The following MAP3K3 variants were observed in gnomAD, a reference collection of about 807,000 sequenced individuals.
MAP3K3 encodes mitogen-activated protein kinase kinase kinase 3.
A neutral mutation model predicts 80.9 loss-of-function variants in MAP3K3; 12 were observed. The ratio of observed to expected loss-of-function variants is 0.15; its 90% CI spans 0.10 to 0.24. The LOEUF (loss-of-function observed/expected upper bound fraction) is 0.24. Among genes scored for constraint, MAP3K3 ranks in the 10% least tolerant of loss-of-function variants. The pLI is 1.00. For synonymous variants in MAP3K3, 272 were observed against 307.1 expected (o/e 0.89, Z 1.19); for missense variants, 596 against 834.7 (o/e 0.71, Z 3.52).
In MAP3K3 at chr17:63,691,251, G is replaced by T. The variant is rs1373522493; in HGVS notation, c.1344+18G>T. The T allele has an allele frequency of 1.2e-6, 2 of 1,613,928 alleles. No homozygotes were observed. Among genetic ancestry groups the T allele is most frequent in the Non-Finnish European group, 1.7e-6 (2 of 1,179,996 alleles). On this transcript the variant is annotated intron_variant, in intron 13 of 15. Coordinates refer to ENST00000361733, the MANE Select transcript of MAP3K3 (RefSeq NM_002401.5). This position sits in a 1 kb window ranked among gnomAD's most constrained non-coding sequence, Gnocchi z 4.8. ...TGCCAGGGGTACGTGCCCCTTGAAT[G>T]CATGTGAGACACACACAAAAGAGGG...
intron 2 of MAP3K3, among the ~76,000 whole-genome samples, chr17:63,634,228 T>G (rs1158389648): frequency 6.6e-6 from 1 of 152,170 alleles, no homozygotes. Flanking sequence ...GTGAGTCCCC[T>G]CCCCCTTGCT....
chr17:63,653,784 T>A (rs997620835), intron 4 of MAP3K3, among the ~76,000 whole-genome samples: 1 of 152,256 alleles, frequency 6.6e-6, no homozygotes, highest in Non-Finnish European at 1.5e-5. Flanking sequence ...GATTAAAAAA[T>A]TTATCATCTA....
intron 2 of MAP3K3, among the ~76,000 whole-genome samples, chr17:63,642,139 A>C (rs745826263): frequency 2.6e-5 from 4 of 152,200 alleles, no homozygotes; most frequent in Non-Finnish European, 4.4e-5. Context: ...GAAGCTTGTA[A>C]GGCTGTCATG....
At chr17:63,680,225 A>G (rs1430791054) in intron 6 of MAP3K3, among the ~76,000 whole-genome samples, 2 of 152,166 alleles carry the variant, frequency 1.3e-5, no homozygotes, top group Non-Finnish European at 2.9e-5. Flanking sequence ...TTGTTGAGGG[A>G]TGGTACTACT....
In MAP3K3 at chr17:63,688,901, C is replaced by T; in HGVS notation, c.871+20C>T. ...GTGATGGTGAGTTCTTCTTCACCTG[C>T]TCCCTGCTGGCTGCCTCAAGAAAGG... is the stretch of plus-strand genomic sequence containing the variant. On this transcript the variant is annotated intron_variant, in intron 10 of 15. Transcript: ENST00000361733. 1 of 1,585,836 alleles carries T rather than the reference C, an allele frequency of 6.3e-7. No homozygotes were observed. Among genetic ancestry groups the T allele is most frequent in the Non-Finnish European group, 8.7e-7 (1 of 1,154,450 alleles).
At chr17:63,642,151 C>T (rs1169424873) in intron 2 of MAP3K3, among the ~76,000 whole-genome samples, 1 of 152,190 alleles carries the variant, frequency 6.6e-6, no homozygotes, top group South Asian at 2.1e-4. Context: ...GCTGTCATGG[C>T]ATCAAAGAAG....
At chr17:63,684,124 A>AT (rs143726940) in intron 7 of MAP3K3, among the ~76,000 whole-genome samples, 2,580 of 152,324 alleles carry the variant, frequency 0.017, 71 homozygotes, top group African/African-American at 0.058. Flanking sequence ...AGGTGACAGA[A>AT]TGAGACCCTG....
chr17:63,622,585 C>G lies in MAP3K3; in HGVS notation c.-175C>G, dbSNP rs1418969321. 1.9e-5 allele frequency: 3 copies of G among 155,600 alleles called. No homozygotes were observed. The highest frequency in any genetic ancestry group is 7.4e-5 in the African/African-American group (3 of 40,802). The allele number at this position is 155,600 out of a possible 1,614,324, so 9.6% of individuals were successfully genotyped here. ...CCCTGCCGATGCCACAGCGCCCGGC[C>G]GCGGGCGGAGCCGGAGCCGGAGCCT... On this transcript the variant is annotated 5_prime_UTR_variant, in exon 1 of 16. Coordinates refer to ENST00000361733, the MANE Select transcript of MAP3K3 (RefSeq NM_002401.5).
chr17:63,628,472 TGCCTCAGCCTCCCGTGTA>T (rs966209567), intron 1 of MAP3K3, among the ~76,000 whole-genome samples: 2 of 151,582 alleles, frequency 1.3e-5, no homozygotes, highest in African/African-American at 2.4e-5. Context: ...GCAGTTCTCC[TGCCTCAGCCTCCCGTGTA>T]GATGGGATTA....
intron 2 of MAP3K3, chr17:63,637,220 GC>G: frequency 4.4e-6 from 1 of 229,618 alleles, no homozygotes; most frequent in Middle Eastern, 1.5e-3. Flanking sequence ...AAGAGTACTG[GC>G]CTAGGAGTCA....
intron 1 of MAP3K3, among the ~76,000 whole-genome samples, chr17:63,631,550 A>C (rs1467677702): frequency 6.6e-6 from 1 of 152,166 alleles, no homozygotes; most frequent in African/African-American, 2.4e-5. Context: ...CACGATCAAC[A>C]GATTTATTCA....
chr17:63,675,320 T>G (rs1478727983), intron 6 of MAP3K3, among the ~76,000 whole-genome samples: 1 of 151,954 alleles, frequency 6.6e-6, no homozygotes, highest in Non-Finnish European at 1.5e-5. Flanking sequence ...GAGAAAAGAG[T>G]TTAGGAAATA....
At chr17:63,668,101 AC>A (rs1260230841) in intron 6 of MAP3K3, 2 of 152,054 alleles carry the variant, frequency 1.3e-5, no homozygotes, top group East Asian at 3.9e-4. Flanking sequence ...TGTTGTGGAG[AC>A]CCCTGCTGCT....
Position 63,681,790 on chromosome 17 carries a change from C to A in MAP3K3, c.527C>A (p.Ser176Ter). 1 of 1,529,958 alleles carries A rather than the reference C, an allele frequency of 6.5e-7. No individual in the cohort carries two copies. The highest frequency in any genetic ancestry group is 8.8e-7 in the Non-Finnish European group (1 of 1,133,672). The allele number at this position is 1,529,958 out of a possible 1,614,324, so 94.8% of individuals were successfully genotyped here. A position where few individuals can be genotyped will look rare whatever the true frequency, so the allele number is the denominator to read the frequency against. The change falls in exon 7 of 16, where the codon TCA becomes TAA. Residue 176 changes from serine to a stop codon, truncating the protein, a stop_gained. Transcript: ENST00000361733. LOFTEE classifies it high-confidence loss of function. ...GGCTCCCAGAACCCTGGCCGAAGCT[C>A]ACCTCCCCCTGGCTATGTTCCTGAG... ...SVSSQNPGRS[S>*]PPPGYVPERQ...
Position 63,622,716 on chromosome 17 carries a change from G to T in MAP3K3, c.-44G>T. 1 of 478,442 alleles carries T rather than the reference G, an allele frequency of 2.1e-6. No homozygotes were observed. The highest frequency in any genetic ancestry group is 4.0e-6 in the Non-Finnish European group (1 of 247,186). The allele number at this position is 478,442 out of a possible 1,614,324, so 29.6% of individuals were successfully genotyped here. On this transcript the variant is annotated 5_prime_UTR_variant, in exon 1 of 16. In the 5' UTR this introduces an upstream ATG that the reference lacks. Coordinates refer to ENST00000361733, the MANE Select transcript of MAP3K3 (RefSeq NM_002401.5). ...CCCGGCATGCAGCCCCGGCTGCGGAGGTGACACTCACGGACCTTAGCCACC... is the reference window on the plus strand; with the variant it reads ...CCCGGCATGCAGCCCCGGCTGCGGATGTGACACTCACGGACCTTAGCCACC...
At chr17:63,654,518 A>G (rs1180276893) in intron 4 of MAP3K3, among the ~76,000 whole-genome samples, 1 of 152,158 alleles carries the variant, frequency 6.6e-6, no homozygotes, top group Non-Finnish European at 1.5e-5. Flanking sequence ...TAGTGCTGCT[A>G]TGAGCATTTG....
At chr17:63,649,925 T>C (rs543045929) in intron 3 of MAP3K3, among the ~76,000 whole-genome samples, 1 of 152,380 alleles carries the variant, frequency 6.6e-6, no homozygotes, top group South Asian at 2.1e-4. Flanking sequence ...GGCTTATTGC[T>C]TCTTCCTCTG....
At chr17:63,627,153 G>A (rs952996731) in intron 1 of MAP3K3, among the ~76,000 whole-genome samples, 1 of 152,166 alleles carries the variant, frequency 6.6e-6, no homozygotes, top group Non-Finnish European at 1.5e-5. Context: ...GGGGTACCAG[G>A]AGAAGAAAAA....
rs2035687724 is a variant in MAP3K3, at chr17:63,696,119, C to CA, written c.*2343dup. 6.6e-6 allele frequency: 1 copy of CA among 151,800 alleles called. No homozygotes were observed. The highest frequency in any genetic ancestry group is 1.5e-5 in the Non-Finnish European group (1 of 67,880). The allele number at this position is 151,800 out of a possible 1,614,324, so 9.4% of individuals were successfully genotyped here. On this transcript the variant is annotated 3_prime_UTR_variant, in exon 16 of 16. Coordinates refer to ENST00000361733, the MANE Select transcript of MAP3K3 (RefSeq NM_002401.5). The stretch of plus-strand genomic sequence containing the variant: ...GGGCTGGGGACAGTCCGCACTCTGC[C>CA]ACCCTCCTGCCCCTTCCACCCACCC...
Sources: gnomAD v4.1 joint callset for allele counts (sites outside exome capture counted in the v4.1 genomes callset) on GRCh38, gnomAD v4.1.1 for gene constraint, Gnocchi (gnomAD v3.1) non-coding constraint, MANE v1.5 for transcripts, NCBI Gene and HGNC (gene_info 2026-07-23, HGNC 2026-07-21) for gene names.